UST: variants seen among roughly 807,000 people sequenced by gnomAD.
UST encodes the protein uronyl 2-sulfotransferase.
A neutral mutation model predicts 45.6 loss-of-function variants in UST; 21 were observed. The ratio of observed to expected loss-of-function variants is 0.46; its 90% CI spans 0.33 to 0.66. UST has a LOEUF of 0.66. Ranked by LOEUF, UST falls within the 30% of genes least tolerant of loss-of-function variation. The pLI, the probability that UST is intolerant of heterozygous loss-of-function variation, is 0.02. For synonymous variants in UST, 215 were observed against 200.6 expected (o/e 1.07, Z -0.61); for missense variants, 463 against 512.4 (o/e 0.90, Z 0.93).
At chr6:148,937,348 A>G (rs1374424819) in intron 2 of UST, among the ~76,000 whole-genome samples, 1 of 152,172 alleles carries the variant, frequency 6.6e-6, no homozygotes, top group African/African-American at 2.4e-5. Context: ...TCAAGTTATT[A>G]TCGTAGACCC....
At chr6:148,781,820 A>G (rs1026986210) in intron 1 of UST, among the ~76,000 whole-genome samples, 1 of 152,080 alleles carries the variant, frequency 6.6e-6, no homozygotes, top group African/African-American at 2.4e-5. Context: ...TGCCAAATCT[A>G]CTCTGCCTGT....
chr6:148,912,098 G>A (rs1460026066), intron 2 of UST, among the ~76,000 whole-genome samples: 4 of 152,226 alleles, frequency 2.6e-5, no homozygotes, highest in African/African-American at 9.6e-5. Flanking sequence ...TCGGGAGGCC[G>A]AGGCAGGAGA....
chr6:149,058,935 A>ATGT (rs1776612935), intron 7 of UST, among the ~76,000 whole-genome samples: 1 of 152,194 alleles, frequency 6.6e-6, no homozygotes, highest in Non-Finnish European at 1.5e-5. Context: ...ATTTTACCGT[A>ATGT]GCACATACTT....
intron 1 of UST, among the ~76,000 whole-genome samples, chr6:148,875,589 G>A (rs1344089506): frequency 6.6e-6 from 1 of 152,208 alleles, no homozygotes; most frequent in Non-Finnish European, 1.5e-5. Flanking sequence ...GATCACCTGA[G>A]GTCAGGGAGT....
chr6:148,882,257 G>A (rs1312080087), intron 1 of UST, among the ~76,000 whole-genome samples: 2 of 152,122 alleles, frequency 1.3e-5, no homozygotes, highest in East Asian at 1.9e-4. Context: ...AGTCCAAGGC[G>A]GGTGGATCAC....
Position 149,019,171 on chromosome 6 carries a change from C to A in UST, c.714C>A (p.Pro238=), listed in dbSNP as rs747759425. 2.9e-5 allele frequency: 47 copies of A among 1,613,872 alleles called. No individual in the cohort carries two copies. Among genetic ancestry groups the A allele is most frequent in the Non-Finnish European group, 3.8e-5 (45 of 1,179,916 alleles). The change falls in exon 6 of 8, where the codon CCC becomes CCA. Residue 238 remains proline, a synonymous_variant. Transcript: ENST00000367463. ...ATGAGTGTATTCTTGAAAACTATCCCGAGTGCTCCAACCCCAGGTTATTTT... is the reference window on the plus strand; with the variant it reads ...ATGAGTGTATTCTTGAAAACTATCCAGAGTGCTCCAACCCCAGGTTATTTT... ...DINECILENY[P]ECSNPRLFYI... is the part of the protein sequence containing the mutation.
intron 5 of UST, among the ~76,000 whole-genome samples, chr6:148,988,379 G>C (rs1781274927): frequency 6.6e-6 from 1 of 152,004 alleles, no homozygotes; most frequent in Admixed American, 6.6e-5. Flanking sequence ...TTTGAGACCA[G>C]CCTGGCTAAC....
At position 149,073,181 on chromosome 6, in the gene UST, G is replaced by A. The variant is rs149484760; in HGVS notation, c.938-652G>A. On this transcript the variant is annotated intron_variant, in intron 7 of 7. Coordinates refer to ENST00000367463, the MANE Select transcript of UST (RefSeq NM_005715.3). ...ATATTTAGACTGGGTGCAGTGGCTC[G>A]TGCCATAATCCCAGCACTTTGGGAT... 9.1e-3 allele frequency among the ~76,000 whole-genome samples: 1,378 copies of A among 151,978 alleles called. 15 individuals are homozygous for A. The highest frequency in any genetic ancestry group is 0.031 in the African/African-American group (1,268 of 41,508).
At chr6:148,908,704 G>T (rs977672880) in intron 2 of UST, among the ~76,000 whole-genome samples, 1 of 152,102 alleles carries the variant, frequency 6.6e-6, no homozygotes, top group Non-Finnish European at 1.5e-5. Flanking sequence ...ACTCAGTTAT[G>T]CAGACAACAT....
At chr6:148,974,949 G>A (rs1049272388) in intron 5 of UST, among the ~76,000 whole-genome samples, 5 of 152,170 alleles carry the variant, frequency 3.3e-5, no homozygotes, top group Non-Finnish European at 7.4e-5. Flanking sequence ...TCACTTCCGG[G>A]TTTTGTAATT....
intron 1 of UST, among the ~76,000 whole-genome samples, chr6:148,828,570 C>CT: frequency 6.6e-6 from 1 of 152,172 alleles, no homozygotes; most frequent in Non-Finnish European, 1.5e-5. Context: ...TTGGCTCTCA[C>CT]TTTCTAGATT....
chr6:148,803,862 A>G (rs1777098871), intron 1 of UST, among the ~76,000 whole-genome samples: 1 of 152,144 alleles, frequency 6.6e-6, no homozygotes, highest in South Asian at 2.1e-4. Flanking sequence ...TTCACCTGGG[A>G]TAGTCTGACA....
rs1776854366 is a variant in UST at position 149,073,958 on chromosome 6, T to C, written c.1063T>C (p.Phe355Leu). ...YEFYHYVKEQ[F>L]HLLKRKFGLK... ...GTTTTACCACTACGTCAAAGAGCAG[T>C]TCCACCTGCTGAAGCGCAAGTTTGG... The change falls in exon 8 of 8, where the codon TTC becomes CTC. Residue 355 changes from phenylalanine (F) to leucine (L), a missense_variant. This residue lies in a region of UST where 287 missense variants were observed against 374.2 expected (regional missense o/e 0.77). Coordinates refer to ENST00000367463, the MANE Select transcript of UST (RefSeq NM_005715.3). 6.2e-7 allele frequency: 1 copy of C among 1,614,044 alleles called. No homozygotes were observed. Among genetic ancestry groups the C allele is most frequent in the South Asian group, 1.1e-5 (1 of 91,084 alleles).
intron 2 of UST, among the ~76,000 whole-genome samples, chr6:148,912,145 C>T (rs926811024): frequency 6.6e-6 from 1 of 152,224 alleles, no homozygotes; most frequent in African/African-American, 2.4e-5. Flanking sequence ...TGCAGTGAGC[C>T]GAGATCATGC....
chr6:149,003,493 A>G (rs141171650), intron 5 of UST, among the ~76,000 whole-genome samples: 12 of 152,280 alleles, frequency 7.9e-5, no homozygotes, highest in African/African-American at 2.6e-4. Flanking sequence ...ATAATTCCCA[A>G]TGGGGCTAAC....
intron 5 of UST, among the ~76,000 whole-genome samples, chr6:149,001,541 A>G (rs1357096427): frequency 6.6e-6 from 1 of 152,258 alleles, no homozygotes; most frequent in African/African-American, 2.4e-5. Flanking sequence ...ACTTCTTGTC[A>G]GCAACAATAG....
At chr6:148,899,759 T>C (rs1194069468) in intron 2 of UST, among the ~76,000 whole-genome samples, 1 of 152,240 alleles carries the variant, frequency 6.6e-6, no homozygotes, top group African/African-American at 2.4e-5. Flanking sequence ...CTTTCTGCTC[T>C]TTTATCTGGT....
At chr6:149,026,166 A>AAAAAAC (rs762937458) in intron 7 of UST, among the ~76,000 whole-genome samples, 2 of 143,978 alleles carry the variant, frequency 1.4e-5, no homozygotes, top group Non-Finnish European at 1.5e-5. Context: ...AAAAAAAAAA[A>AAAAAAC]CAGGCCTGAT....
intron 1 of UST, among the ~76,000 whole-genome samples, chr6:148,827,382 G>C (rs1777591774): frequency 6.6e-6 from 1 of 152,104 alleles, no homozygotes. Context: ...CAGCACTTTG[G>C]GAGGCAGAGA....
Sources: gnomAD v4.1 joint callset for allele counts (sites outside exome capture counted in the v4.1 genomes callset) on GRCh38, gnomAD v4.1.1 for gene constraint, gnomAD v4.1.1 regional missense constraint, MANE v1.5 for transcripts, NCBI Gene and HGNC (gene_info 2026-07-23, HGNC 2026-07-21) for gene names.